Variants in TMEM213 observed in about 807,000 individuals in gnomAD.
The protein encoded by TMEM213 is transmembrane protein 213.
In TMEM213, 7 loss-of-function variants were observed where a neutral mutation model predicts 11.6. That is an observed-to-expected ratio of 0.60 (90% CI 0.34 to 1.13). The LOEUF (loss-of-function observed/expected upper bound fraction) is 1.13. TMEM213 is among the 50% of genes most tolerant of loss of function. The probability of loss-of-function intolerance (pLI) is 0.03; values close to 1 mark genes in which losing one functional copy is unlikely to be tolerated. For missense variants in TMEM213, 129 were observed against 139.0 expected (o/e 0.93, Z 0.36); for synonymous variants, 60 against 58.3 (o/e 1.03, Z -0.13).
rs1808770214 is a variant in TMEM213 at position 138,798,019 on chromosome 7, T to C, written c.-86T>C. On this transcript the variant is annotated 5_prime_UTR_variant, in exon 1 of 3. Coordinates refer to ENST00000442682, the MANE Select transcript of TMEM213 (RefSeq NM_001085429.2). ...AGAGTTGCTTTCCAGCTCCTGCAGG[T>C]GGGAGTCGACTCACCTGCAGCAGGC... is the stretch of plus-strand genomic sequence containing the variant. 3.2e-6 allele frequency: 5 copies of C among 1,550,592 alleles called. No homozygotes were observed. Among genetic ancestry groups the C allele is most frequent in the Non-Finnish European group, 4.4e-6 (5 of 1,146,844 alleles).
rs113809059 is a variant in TMEM213, at chr7:138,803,678, C to T, written c.*609C>T. On this transcript the variant is annotated 3_prime_UTR_variant, in exon 3 of 3. Transcript: ENST00000442682. ...CTGTAATCCCAGCTACTTGGGAGGC[C>T]GAGGCAGGAGAATCTCTTGAACCTC... is the stretch of plus-strand genomic sequence containing the variant. 0.13 allele frequency: 19,173 copies of T among 152,254 alleles called. 1,263 individuals carry two copies. The highest frequency in any genetic ancestry group is 0.16 in the African/African-American group (6,399 of 41,004). 9.4% of individuals were successfully genotyped at this position (152,254 alleles called of 1,614,324 possible).
At position 138,798,115 on chromosome 7, in the gene TMEM213, T is replaced by TC. The variant is rs1469751534; in HGVS notation, c.15dup (p.Ala6ArgfsTer96). The TC allele has an allele frequency of 1.3e-6, 2 of 1,598,730 alleles. No individual in the cohort carries two copies. The highest frequency in any genetic ancestry group is 2.3e-5 in the South Asian group (2 of 88,078). ...AGCACAGCCTCCAGCATGCAGCGCC[T>TC]CCCCGCTGCCACCCGGGCCACCCTG... On this transcript the variant is annotated frameshift_variant, in exon 1 of 3. Coordinates refer to ENST00000442682, the MANE Select transcript of TMEM213 (RefSeq NM_001085429.2). LOFTEE classifies it high-confidence loss of function.
intron 2 of TMEM213, 143 bp from the exon 3 acceptor site, chr7:138,802,757 G>C: frequency 1.4e-6 from 1 of 739,438 alleles, no homozygotes; most frequent in South Asian, 3.5e-5. Context: ...ACGTGTAAAA[G>C]CACGCAGCAC....
chr7:138,804,858 A>G lies in TMEM213; in HGVS notation c.*1789A>G, dbSNP rs1011187760. 1 of 152,260 alleles carries G rather than the reference A, an allele frequency of 6.6e-6. No homozygotes were observed. The highest frequency in any genetic ancestry group is 2.4e-5 in the African/African-American group (1 of 41,468). 9.4% of individuals were successfully genotyped at this position (152,260 alleles called of 1,614,324 possible). A position where few individuals can be genotyped will look rare whatever the true frequency, so the allele number is the denominator to read the frequency against. On this transcript the variant is annotated 3_prime_UTR_variant, in exon 3 of 3. Coordinates refer to ENST00000442682, the MANE Select transcript of TMEM213 (RefSeq NM_001085429.2). ...GGAGAGGGCAGGTTCATCAGAAGAA[A>G]GAAAGGACAAAATGACTCCTTATGA...
intron 1 of TMEM213, 121 bp downstream of exon 1, chr7:138,798,307 G>A (rs1187539106): frequency 1.0e-5 from 6 of 597,980 alleles, no homozygotes; most frequent in Non-Finnish European, 1.0e-5. Flanking sequence ...CCTGCGCAAA[G>A]GAAGGAGGAA....
rs1474784679 is a variant in TMEM213 at position 138,802,977 on chromosome 7, G to T, written c.232G>T (p.Gly78Cys). The T allele has an allele frequency of 6.2e-7, 1 of 1,613,298 alleles. No individual in the cohort carries two copies. The highest frequency in any genetic ancestry group is 2.2e-5 in the East Asian group (1 of 44,868). The change falls in exon 3 of 3, where the codon GGC becomes TGC. Residue 78 changes from glycine (G) to cysteine (C), a missense_variant. Physicochemically the swap from Gly to Cys is radical, Grantham distance 159. Transcript: ENST00000442682. ...DEYGWIAAAV[G>C]WSLWFLTLIL... ...GTACGGCTGGATCGCGGCAGCTGTT[G>T]GCTGGAGCCTCTGGTTCCTCACCCT... is the stretch of plus-strand genomic sequence containing the variant.
rs533056100 is a variant in TMEM213, at chr7:138,798,156, T to C, written c.52T>C (p.Phe18Leu). The change falls in exon 1 of 3, where the codon TTT becomes CTT. Residue 18 changes from phenylalanine (F) to leucine (L), a missense_variant. Phe to Leu is a conservative substitution (Grantham distance 22). Coordinates refer to ENST00000442682, the MANE Select transcript of TMEM213 (RefSeq NM_001085429.2). ...TRATLILSLA[F>L]ASLHSACSAE... ...GGCCACCCTGATCCTCAGCCTGGCC[T>C]TTGCCTCCCTCCACTCGGCTTGCTC... 9 of 1,599,818 alleles carry C rather than the reference T, an allele frequency of 5.6e-6. No individual in the cohort carries two copies. In the Admixed American group the frequency reaches 1.6e-4, roughly 28 times the overall value.
At position 138,798,015 on chromosome 7, in the gene TMEM213, C is replaced by A. The variant is rs771429372; in HGVS notation, c.-90C>A. 1.9e-6 allele frequency: 3 copies of A among 1,550,158 alleles called. No individual in the cohort carries two copies. The highest frequency in any genetic ancestry group is 2.6e-6 in the Non-Finnish European group (3 of 1,146,506). ...TGGCAGAGTTGCTTTCCAGCTCCTG[C>A]AGGTGGGAGTCGACTCACCTGCAGC... On this transcript the variant is annotated 5_prime_UTR_variant, in exon 1 of 3. Transcript: ENST00000442682.
chr7:138,802,328 T>C (rs1264905160), intron 2 of TMEM213, among the ~76,000 whole-genome samples: 3 of 152,084 alleles, frequency 2.0e-5, no homozygotes, highest in African/African-American at 7.2e-5. Context: ...GGTGGGTGGA[T>C]CACTTGAGGC....
rs1162526413 is a variant in TMEM213, at chr7:138,804,172, C to G, written c.*1103C>G. On this transcript the variant is annotated 3_prime_UTR_variant, in exon 3 of 3. Transcript: ENST00000442682. ...GTCTTGAGGATCTTCCTCCCCGGCT[C>G]ATCACTCCCCATGGGCAGCTGCCAG... 2 of 152,382 alleles carry G rather than the reference C, an allele frequency of 1.3e-5. No homozygotes were observed. The highest frequency in any genetic ancestry group is 2.9e-5 in the Non-Finnish European group (2 of 68,222). The allele number at this position is 152,382 out of a possible 1,614,324, so 9.4% of individuals were successfully genotyped here.
chr7:138,801,470 C>T (rs554784670), intron 2 of TMEM213, 72 bp downstream of exon 2: 51 of 1,412,310 alleles, frequency 3.6e-5, no homozygotes, highest in African/African-American at 1.7e-4. Flanking sequence ...AAGGCCTCCC[C>T]GCTTTCCGTT....
rs1171844946 is a variant in TMEM213, at chr7:138,803,790, A to AC, written c.*721_*722insC. ...AAGACTCTGTATCAGAAAAAAAAAAAAAAAAAAGAATGTGAGGATCAGGTG... is the reference window on the plus strand; with the variant it reads ...AAGACTCTGTATCAGAAAAAAAAAAACAAAAAAAGAATGTGAGGATCAGGTG... On this transcript the variant is annotated 3_prime_UTR_variant, in exon 3 of 3. Transcript: ENST00000442682. 1 of 144,038 alleles carries AC rather than the reference A, an allele frequency of 6.9e-6. No homozygotes were observed. Among genetic ancestry groups the AC allele is most frequent in the Non-Finnish European group, 1.5e-5 (1 of 65,838 alleles). 8.9% of individuals were successfully genotyped at this position (144,038 alleles called of 1,614,324 possible).
Position 138,801,321 on chromosome 7 carries a change from T to C in TMEM213, c.83-6T>C. The C allele has an allele frequency of 6.2e-7, 1 of 1,610,790 alleles. No homozygotes were observed. Among genetic ancestry groups the C allele is most frequent in the Non-Finnish European group, 8.5e-7 (1 of 1,178,536 alleles). Reference sequence around the variant, plus strand: ...GCCTCAGACTATCTCCTATCTTTTCTTCCAGAAGCAAGCAGCAGCAACAGC... The same window carrying C: ...GCCTCAGACTATCTCCTATCTTTTCCTCCAGAAGCAAGCAGCAGCAACAGC... On this transcript the variant is annotated splice_region_variant and splice_polypyrimidine_tract_variant and intron_variant, in intron 1 of 2. Coordinates refer to ENST00000442682, the MANE Select transcript of TMEM213 (RefSeq NM_001085429.2).
At chr7:138,798,213 C>A in intron 1 of TMEM213, 27 bp downstream of exon 1, 1 of 1,562,082 alleles carries the variant, frequency 6.4e-7, no homozygotes, top group Non-Finnish European at 8.7e-7. Context: ...TATTCATGGC[C>A]AGGCTGGGAA....
At chr7:138,798,228 G>A in intron 1 of TMEM213, 42 bp downstream of exon 1, 1 of 1,525,370 alleles carries the variant, frequency 6.6e-7, no homozygotes, top group Non-Finnish European at 8.9e-7. Flanking sequence ...TGGGAAGGGG[G>A]AGGGAAGGAG....
rs763336540 is a variant in TMEM213 at position 138,803,065 on chromosome 7, C to A, written c.320C>A (p.Ala107Glu). The change falls in exon 3 of 3, where the codon GCG becomes GAG. Residue 107 changes from alanine to glutamate, a missense_variant. Physicochemically the swap from Ala to Glu is moderately radical, Grantham distance 107 (BLOSUM62 -1). Coordinates refer to ENST00000442682, the MANE Select transcript of TMEM213 (RefSeq NM_001085429.2). ...CCAGATGAGCCCAAGGACTTGCAAG[C>A]GTGAGACCCAGGCTCGGTGCACAAA... Reference protein sequence around the residue: ...LTPDEPKDLQA With the variant: ...LTPDEPKDLQE 4 of 1,612,936 alleles carry A rather than the reference C, an allele frequency of 2.5e-6. No individual in the cohort carries two copies. Among genetic ancestry groups the A allele is most frequent in the Non-Finnish European group, 3.4e-6 (4 of 1,179,686 alleles).
Position 138,805,266 on chromosome 7 carries a change from A to C in TMEM213, c.*2197A>C, listed in dbSNP as rs1043048320. 2 of 151,890 alleles carry C rather than the reference A, an allele frequency of 1.3e-5. No homozygotes were observed. Among genetic ancestry groups the C allele is most frequent in the African/African-American group, 4.8e-5 (2 of 41,426 alleles). The allele number at this position is 151,890 out of a possible 1,614,324, so 9.4% of individuals were successfully genotyped here. ...AAAGATTAGCCAGGCGTGGTGGTGC[A>C]CACTGATAGTCCCAGCTACTCAGGA... On this transcript the variant is annotated 3_prime_UTR_variant, in exon 3 of 3. Coordinates refer to ENST00000442682, the MANE Select transcript of TMEM213 (RefSeq NM_001085429.2).
At chr7:138,802,702 G>T (rs999052922) in intron 2 of TMEM213, among the ~76,000 whole-genome samples, 198 bp from the exon 3 acceptor site, 1 of 152,194 alleles carries the variant, frequency 6.6e-6, no homozygotes, top group African/African-American at 2.4e-5. Context: ...ATGTAAAATG[G>T]GAATAAAAGT....
In TMEM213 at chr7:138,804,707, G is replaced by C. The variant is rs1440915467; in HGVS notation, c.*1638G>C. The C allele has an allele frequency of 5.3e-5, 8 of 152,198 alleles. No homozygotes were observed. Among genetic ancestry groups the C allele is most frequent in the Non-Finnish European group, 1.2e-4 (8 of 68,028 alleles). 9.4% of individuals were successfully genotyped at this position (152,198 alleles called of 1,614,324 possible). ...CATTAGGAGCCTCCATTTTTCTCCA[G>C]ATGGTTGAAATAACCAGCCTCTGAA... On this transcript the variant is annotated 3_prime_UTR_variant, in exon 3 of 3. Transcript: ENST00000442682.
Sources: gnomAD v4.1 joint callset for allele counts (sites outside exome capture counted in the v4.1 genomes callset) on GRCh38, gnomAD v4.1.1 for gene constraint, MANE v1.5 for transcripts, NCBI Gene and HGNC (gene_info 2026-07-23, HGNC 2026-07-21) for gene names.